AGPS: variants seen among roughly 807,000 people sequenced by gnomAD.
The protein encoded by AGPS is alkylglycerone phosphate synthase.
Under a neutral mutation model 90.7 loss-of-function variants are expected in AGPS, and 26 were observed. That is an observed-to-expected ratio of 0.29 (90% CI 0.21 to 0.40). The LOEUF (loss-of-function observed/expected upper bound fraction) is 0.40. Among genes scored for constraint, AGPS ranks in the 10% least tolerant of loss-of-function variants. The pLI is 1.00. For missense variants in AGPS, 540 were observed against 816.1 expected, an observed-to-expected ratio of 0.66 and a Z score of 4.12; for synonymous variants, 294 against 285.3, an observed-to-expected ratio of 1.03 and a Z score of -0.31.
At chr2:177,467,710 A>G (rs1304038148) in intron 9 of AGPS, among the ~76,000 whole-genome samples, 2 of 152,138 alleles carry the variant, frequency 1.3e-5, no homozygotes, top group African/African-American at 2.4e-5. Context: ...ATTTCCTTCA[A>G]TAATAAATAG....
At chr2:177,502,230 T>C (rs1688579274) in intron 14 of AGPS, among the ~76,000 whole-genome samples, 1 of 129,334 alleles carries the variant, frequency 7.7e-6, no homozygotes, top group Non-Finnish European at 1.6e-5. Context: ...GAGTTAAAGA[T>C]TGGCTCCGTT....
intron 10 of AGPS, among the ~76,000 whole-genome samples, chr2:177,475,094 A>G (rs1366481542): frequency 6.6e-6 from 1 of 152,200 alleles, no homozygotes; most frequent in Non-Finnish European, 1.5e-5. Flanking sequence ...AGCAAATAGA[A>G]GAGATGATTC....
chr2:177,471,387 T>C (rs1687620519), intron 10 of AGPS, among the ~76,000 whole-genome samples: 1 of 152,154 alleles, frequency 6.6e-6, no homozygotes, highest in Non-Finnish European at 1.5e-5. Flanking sequence ...TGTGTTTGTC[T>C]TGTTTTGTGT....
intron 10 of AGPS, among the ~76,000 whole-genome samples, chr2:177,474,343 AG>A (rs1200858292): frequency 6.6e-6 from 1 of 152,202 alleles, no homozygotes; most frequent in Non-Finnish European, 1.5e-5. Flanking sequence ...TTGAAAGGTG[AG>A]GAGGGCGGAA....
chr2:177,474,792 T>A (rs945789081), intron 10 of AGPS, among the ~76,000 whole-genome samples: 1 of 152,256 alleles, frequency 6.6e-6, no homozygotes, highest in Non-Finnish European at 1.5e-5. Flanking sequence ...TACCCTGATG[T>A]ATTTAACCAA....
chr2:177,442,082 AT>A (rs1686623349), intron 6 of AGPS, among the ~76,000 whole-genome samples: 1 of 152,154 alleles, frequency 6.6e-6, no homozygotes, highest in Admixed American at 6.5e-5. Flanking sequence ...CTCCATGGTA[AT>A]TATCTGCTTA....
intron 17 of AGPS, among the ~76,000 whole-genome samples, chr2:177,519,637 A>G (rs575423007): frequency 1.3e-5 from 2 of 152,296 alleles, no homozygotes; most frequent in Admixed American, 6.5e-5. Context: ...TTTGGTCTCA[A>G]CTGCAGTGAT....
chr2:177,397,410 C>T (rs989474163), intron 1 of AGPS, among the ~76,000 whole-genome samples: 1 of 151,146 alleles, frequency 6.6e-6, no homozygotes, highest in Admixed American at 6.6e-5. Flanking sequence ...CCTTAAAAAT[C>T]ATAGTAAATG....
chr2:177,514,015 C>A, intron 17 of AGPS, 107 bp downstream of exon 17: 1 of 840,046 alleles, frequency 1.2e-6, no homozygotes, highest in Non-Finnish European at 2.0e-6. Flanking sequence ...CAGTCTATTA[C>A]ATTTGGCCAG....
chr2:177,472,202 G>A (rs967014452), intron 10 of AGPS, among the ~76,000 whole-genome samples: 2 of 149,162 alleles, frequency 1.3e-5, no homozygotes, highest in African/African-American at 4.9e-5. Context: ...TTCCATTTCA[G>A]TCACTTTTTC....
chr2:177,406,812 C>A (rs1235347642), intron 1 of AGPS, among the ~76,000 whole-genome samples: 2 of 152,194 alleles, frequency 1.3e-5, no homozygotes, highest in Non-Finnish European at 2.9e-5. Context: ...CTTGAATGTG[C>A]TTTATGCTTC....
intron 17 of AGPS, among the ~76,000 whole-genome samples, chr2:177,520,519 C>T (rs970673790): frequency 1.3e-5 from 2 of 149,834 alleles, no homozygotes; most frequent in African/African-American, 2.4e-5. Context: ...TGTTTTGCAT[C>T]CCATCTGTTT....
chr2:177,482,096 C>G lies in AGPS; in HGVS notation c.1143C>G (p.Ile381Met). The G allele has an allele frequency of 1.2e-6, 2 of 1,604,852 alleles. No individual in the cohort carries two copies. The highest frequency in any genetic ancestry group is 1.7e-6 in the Non-Finnish European group (2 of 1,173,974). The change falls in exon 11 of 20, where the codon ATC (isoleucine) becomes ATG (methionine). Residue 381 changes from isoleucine to methionine, a missense_variant. Physicochemically the swap from Ile to Met is conservative, Grantham distance 10. Transcript: ENST00000264167. ...TAATAACAGAAGCTACAATAAAAATCAGACCAGTCCCTGAATACCAAAAGT... is the reference window on the plus strand; with the variant it reads ...TAATAACAGAAGCTACAATAAAAATGAGACCAGTCCCTGAATACCAAAAGT... ...LGVITEATIKIRPVPEYQKYG... is the reference protein window; with the variant it reads ...LGVITEATIKMRPVPEYQKYG...
intron 11 of AGPS, among the ~76,000 whole-genome samples, chr2:177,491,621 G>C (rs773223862): frequency 6.6e-6 from 1 of 151,604 alleles, no homozygotes; most frequent in Non-Finnish European, 1.5e-5. Flanking sequence ...CATTATATAA[G>C]ATTATTCCAG....
chr2:177,399,340 C>T (rs993964334), intron 1 of AGPS, among the ~76,000 whole-genome samples: 8 of 152,036 alleles, frequency 5.3e-5, no homozygotes, highest in East Asian at 1.9e-4. Flanking sequence ...TAGAGTCTAC[C>T]GTTGTAGCAT....
intron 2 of AGPS, among the ~76,000 whole-genome samples, chr2:177,429,601 C>T (rs1195594103): frequency 3.3e-5 from 5 of 152,138 alleles, no homozygotes; most frequent in Admixed American, 1.3e-4. Context: ...GGGGATTGCT[C>T]GTGACCCTAT....
rs768433618 is a variant in AGPS, at chr2:177,543,318, A to G, written c.*5123A>G. ...TTCGTGTGATGGTGCCTTCAGAATA[A>G]CGAATATTTCTGTTCTGGACAATGA... On this transcript the variant is annotated 3_prime_UTR_variant, in exon 20 of 20. Transcript: ENST00000264167. 2 of 152,174 alleles carry G rather than the reference A, an allele frequency of 1.3e-5. No individual in the cohort carries two copies. Among genetic ancestry groups the G allele is most frequent in the African/African-American group, 2.4e-5 (1 of 41,432 alleles). 9.4% of individuals were successfully genotyped at this position (152,174 alleles called of 1,614,324 possible).
intron 1 of AGPS, among the ~76,000 whole-genome samples, chr2:177,404,320 G>T (rs1031131758): frequency 1.3e-5 from 2 of 152,174 alleles, no homozygotes; most frequent in African/African-American, 4.8e-5. Flanking sequence ...TGGCCTAGAT[G>T]TATCAGTTTA....
chr2:177,523,369 G>T (rs1689254818), intron 18 of AGPS, among the ~76,000 whole-genome samples: 1 of 152,194 alleles, frequency 6.6e-6, no homozygotes, highest in Admixed American at 6.5e-5. Context: ...CTTATAGGAA[G>T]CAGTCAGTAA....
Sources: allele counts gnomAD v4.1 joint callset (sites outside exome capture counted in the v4.1 genomes callset), GRCh38; gene constraint gnomAD v4.1.1; transcripts MANE v1.5; gene names NCBI Gene and HGNC (gene_info 2026-07-23, HGNC 2026-07-21).